The following TOGARAM2 variants were observed in gnomAD, a reference collection of about 807,000 sequenced individuals.
TOGARAM2 encodes TOG array regulator of axonemal microtubules 2.
In TOGARAM2, 85 loss-of-function variants were observed where a neutral mutation model predicts 93.3. That is an observed-to-expected ratio of 0.91 (90% CI 0.76 to 1.09). The LOEUF is 1.09. Ranked by LOEUF, TOGARAM2 falls within the 50% of genes least tolerant of loss-of-function variation. The pLI is 0.00. For missense variants in TOGARAM2, 1,277 were observed against 1,334.5 expected (o/e 0.96, Z 0.67); for synonymous variants, 593 against 552.8 (o/e 1.07, Z -1.02).
intron 1 of TOGARAM2, among the ~76,000 whole-genome samples, chr2:28,990,996 GT>G: frequency 3.7e-5 from 1 of 27,162 alleles, no homozygotes; most frequent in East Asian, 4.1e-4. Flanking sequence ...TGAAGGGTGT[GT>G]GTGTGTGTGT....
At chr2:28,978,766 T>C (rs1185240048), upstream of TOGARAM2, among the ~76,000 whole-genome samples, 2 of 151,726 alleles carry the variant, frequency 1.3e-5, no homozygotes, top group African/African-American at 2.4e-5. Context: ...GTTCTGGGGG[T>C]GGGAGCAGGC....
chr2:29,001,197 C>A lies in TOGARAM2; in HGVS notation c.428-1339C>A, dbSNP rs150145731. 1.1e-3 allele frequency among the ~76,000 whole-genome samples: 168 copies of A among 152,270 alleles called. 2 individuals carry two copies. The highest frequency in any genetic ancestry group is 3.9e-3 in the African/African-American group (162 of 41,542). On this transcript the variant is annotated intron_variant, in intron 4 of 19. Transcript: ENST00000379558. ...GTGGCACAGTCTCCACTTGACCACACCCCTTCTTTTCCATCCTTTCAGCTC... is the reference window on the plus strand; with the variant it reads ...GTGGCACAGTCTCCACTTGACCACAACCCTTCTTTTCCATCCTTTCAGCTC...
chr2:29,003,986 A>G (rs1456815759), intron 6 of TOGARAM2, among the ~76,000 whole-genome samples: 1 of 152,096 alleles, frequency 6.6e-6, no homozygotes, highest in Non-Finnish European at 1.5e-5. Context: ...ATAAAACACT[A>G]ATTATTTTAT....
At chr2:29,031,910 G>C (rs1355581199) in intron 14 of TOGARAM2, among the ~76,000 whole-genome samples, 1 of 152,198 alleles carries the variant, frequency 6.6e-6, no homozygotes, top group African/African-American at 2.4e-5. Context: ...TAAGATTTTA[G>C]ATGCTTCCTG....
At chr2:29,026,272 C>T (rs2148355521) in intron 13 of TOGARAM2, among the ~76,000 whole-genome samples, 1 of 152,240 alleles carries the variant, frequency 6.6e-6, no homozygotes, top group South Asian at 2.1e-4. Flanking sequence ...CTCTTTTCGT[C>T]ATTATGGATA....
At chr2:28,968,674 C>G (rs1671901222) in intron 1 of TOGARAM2, among the ~76,000 whole-genome samples, 1 of 151,948 alleles carries the variant, frequency 6.6e-6, no homozygotes, top group Non-Finnish European at 1.5e-5. Flanking sequence ...AAAATATTAG[C>G]TGAGCATGGT....
Position 29,045,413 on chromosome 2 carries a change from G to T in TOGARAM2, c.2722+3G>T. 2 of 1,612,630 alleles carry T rather than the reference G, an allele frequency of 1.2e-6. No individual in the cohort carries two copies. Among genetic ancestry groups the T allele is most frequent in the South Asian group, 1.1e-5 (1 of 91,066 alleles). ...GGATGTCACAGATCGCCTGGCAGGTGAGCACCCCCAGCCCCACCCCACCCC... is the reference window on the plus strand; with the variant it reads ...GGATGTCACAGATCGCCTGGCAGGTTAGCACCCCCAGCCCCACCCCACCCC... On this transcript the variant is annotated splice_donor_region_variant and intron_variant, in intron 19 of 19. Coordinates refer to ENST00000379558, the MANE Select transcript of TOGARAM2 (RefSeq NM_199280.4).
rs1324534278 is a variant in TOGARAM2 at position 29,011,382 on chromosome 2, A to G, written c.831-73A>G. ...TCGGCCATTGCCCCATCCTGGAGCC[A>G]CCCTGGGCTCCCCCAGCAGTGTCTC... On this transcript the variant is annotated intron_variant, in intron 6 of 19. Transcript: ENST00000379558. The G allele has an allele frequency of 2.7e-6, 4 of 1,473,748 alleles. No homozygotes were observed. The African/African-American group carries it at 5.6e-5, about 21-fold the overall frequency. The allele number at this position is 1,473,748 out of a possible 1,614,324, so 91.3% of individuals were successfully genotyped here.
At chr2:29,044,946 A>G (rs1485953392) in intron 18 of TOGARAM2, among the ~76,000 whole-genome samples, 2 of 151,566 alleles carry the variant, frequency 1.3e-5, no homozygotes, top group African/African-American at 4.9e-5. Flanking sequence ...CTATCTATCC[A>G]TCCTCCAACA....
intron 4 of TOGARAM2, among the ~76,000 whole-genome samples, chr2:29,001,770 C>G (rs1392970494): frequency 1.3e-5 from 2 of 152,172 alleles, no homozygotes; most frequent in African/African-American, 4.8e-5. Flanking sequence ...TGTGGGATTA[C>G]AGGCGTGAGC....
In TOGARAM2 at chr2:28,983,177, A is replaced by AATAAATATAT. The variant is rs781160203; in HGVS notation, c.-111+1642_-111+1643insAATATATATA. Among the ~76,000 whole-genome samples, 213 of 32,318 alleles carry AATAAATATAT rather than the reference A, an allele frequency of 6.6e-3. 11 individuals are homozygous for AATAAATATAT. The highest frequency in any genetic ancestry group is 8.1e-3 in the Non-Finnish European group (152 of 18,820). The allele number at this position is 32,318 out of a possible 152,430, so 21.2% of individuals were successfully genotyped here. On this transcript the variant is annotated intron_variant, in intron 1 of 19. Coordinates refer to ENST00000379558, the MANE Select transcript of TOGARAM2 (RefSeq NM_199280.4). Reference sequence around the variant, plus strand: ...TAATCTTTGTGTGTGTGTATATATAAATATATATATATATATATATATTTT... The same window carrying AATAAATATAT: ...TAATCTTTGTGTGTGTGTATATATAAATAAATATATATATATATATATATATATATATTTT...
chr2:29,011,545 T>C, intron 7 of TOGARAM2, 44 bp downstream of exon 7: 1 of 1,557,450 alleles, frequency 6.4e-7, no homozygotes, highest in Middle Eastern at 1.7e-4. Flanking sequence ...TTTGACTCTC[T>C]ACATTCCTGG....
chr2:28,994,367 C>T (rs1016736551), intron 1 of TOGARAM2, among the ~76,000 whole-genome samples: 5 of 152,240 alleles, frequency 3.3e-5, no homozygotes, highest in East Asian at 1.9e-4. Context: ...GGGCAGCTGG[C>T]GGACTCAGGG....
intron 18 of TOGARAM2, among the ~76,000 whole-genome samples, chr2:29,038,935 A>G (rs2148384406): frequency 6.6e-6 from 1 of 152,288 alleles, no homozygotes; most frequent in African/African-American, 2.4e-5. Flanking sequence ...GTAGGTTACC[A>G]ACAAGGGGGA....
chr2:28,995,508 C>T (rs142375217), intron 2 of TOGARAM2, among the ~76,000 whole-genome samples: 87 of 152,330 alleles, frequency 5.7e-4, no homozygotes, highest in African/African-American at 1.8e-3. Context: ...ATGATGCACA[C>T]GGCAGAACTC....
intron 16 of TOGARAM2, among the ~76,000 whole-genome samples, 194 bp from the exon 17 acceptor site, chr2:29,035,270 G>A (rs1270618780): frequency 6.6e-6 from 1 of 152,148 alleles, no homozygotes; most frequent in Non-Finnish European, 1.5e-5. Flanking sequence ...GGAAGAGAGA[G>A]CCCTGGCCCC....
chr2:28,960,792 C>T (rs531127166), intron 1 of TOGARAM2, among the ~76,000 whole-genome samples: 5 of 152,330 alleles, frequency 3.3e-5, no homozygotes, highest in African/African-American at 1.2e-4. Context: ...CCGCAGGTGG[C>T]CAGTGAGCAC....
chr2:29,017,734 C>G, intron 9 of TOGARAM2, 58 bp from the exon 10 acceptor site: 1 of 1,473,660 alleles, frequency 6.8e-7, no homozygotes, highest in South Asian at 1.4e-5. Flanking sequence ...CAAAGGAGGA[C>G]ATTGAGGCCA....
At chr2:29,029,877 A>G (rs1665659558) in intron 14 of TOGARAM2, among the ~76,000 whole-genome samples, 1 of 152,160 alleles carries the variant, frequency 6.6e-6, no homozygotes, top group South Asian at 2.1e-4. Flanking sequence ...TGGGTGCACC[A>G]AAATCTCACG....
Sources: allele counts gnomAD v4.1 joint callset (sites outside exome capture counted in the v4.1 genomes callset), GRCh38; gene constraint gnomAD v4.1.1; transcripts MANE v1.5; gene names NCBI Gene and HGNC (gene_info 2026-07-23, HGNC 2026-07-21).